RABEP1: variants seen among roughly 807,000 people sequenced by gnomAD.
The protein encoded by RABEP1 is rabaptin, RAB GTPase binding effector protein 1.
A neutral mutation model predicts 123.4 loss-of-function variants in RABEP1; 51 were observed. The observed-to-expected ratio is 0.41, with a 90% CI of 0.33 to 0.52. The LOEUF (loss-of-function observed/expected upper bound fraction) is 0.52. RABEP1 is among the 20% of genes least tolerant of loss of function. RABEP1 has a pLI of 0.16. For synonymous variants in RABEP1, 347 were observed against 355.2 expected, an observed-to-expected ratio of 0.98 and a Z score of 0.26; for missense variants, 888 against 996.3, an observed-to-expected ratio of 0.89 and a Z score of 1.46.
In RABEP1 at chr17:5,380,384, GAA is replaced by G; in HGVS notation, c.2293_2294del (p.Lys765ValfsTer5). Reference sequence around the variant, plus strand: ...CACAGTTGGAGTCCACATTAAGAGAGAAGTCTCAACAGCTTGAGAGTCTTCAG... The same window carrying G: ...CACAGTTGGAGTCCACATTAAGAGAGGTCTCAACAGCTTGAGAGTCTTCAG... ...KGQLESTLRE[K>X]SQQLESLQEI... On this transcript the variant is annotated frameshift_variant, in exon 16 of 18. Transcript: ENST00000537505. LOFTEE classifies it high-confidence loss of function. 1 of 1,570,396 alleles carries G rather than the reference GAA, an allele frequency of 6.4e-7. No individual in the cohort carries two copies. Among genetic ancestry groups the G allele is most frequent in the Non-Finnish European group, 8.6e-7 (1 of 1,156,328 alleles).
In RABEP1 at chr17:5,344,382, G is replaced by A. The variant is rs962132279; in HGVS notation, c.649-2408G>A. ...GAACCCGGGAGATGGAGGCTGCAGT[G>A]AGCGTAGGTTGTGCCACTGCACTCC... On this transcript the variant is annotated intron_variant, in intron 5 of 17. Coordinates refer to ENST00000537505, the MANE Select transcript of RABEP1 (RefSeq NM_004703.6). Among the ~76,000 whole-genome samples the A allele has an allele frequency of 1.8e-4, 28 of 152,090 alleles. 1 individual carries two copies. The highest frequency in any genetic ancestry group is 1.8e-4 in the Non-Finnish European group (12 of 67,988).
chr17:5,341,049 T>C (rs970552633), intron 5 of RABEP1, among the ~76,000 whole-genome samples: 5 of 151,260 alleles, frequency 3.3e-5, no homozygotes, highest in African/African-American at 1.2e-4. Context: ...ACTATCAATA[T>C]AATGAAAAAA....
chr17:5,333,725 C>G (rs1250874853), intron 3 of RABEP1, among the ~76,000 whole-genome samples: 1 of 152,136 alleles, frequency 6.6e-6, no homozygotes, highest in South Asian at 2.1e-4. Flanking sequence ...TGTATTGGTT[C>G]CATGATGTCA....
At chr17:5,348,294 AAAG>A (rs1908244120) in intron 6 of RABEP1, among the ~76,000 whole-genome samples, 1 of 152,170 alleles carries the variant, frequency 6.6e-6, no homozygotes, top group Non-Finnish European at 1.5e-5. Context: ...AGGCTTCTTA[AAAG>A]AAGTTGTTCT....
In RABEP1 at chr17:5,300,496, A is replaced by C. The variant is rs924172388; in HGVS notation, c.35-8198A>C. ...ACCCCTACTGAGGTAGTATTGGTCA[A>C]GTTTCTCTCTCTTTCTTGGGGTGCA... On this transcript the variant is annotated intron_variant, in intron 1 of 17. Coordinates refer to ENST00000537505, the MANE Select transcript of RABEP1 (RefSeq NM_004703.6). 2.6e-5 allele frequency among the ~76,000 whole-genome samples: 4 copies of C among 152,156 alleles called. No homozygotes were observed. In the South Asian group the frequency reaches 8.3e-4, roughly 32 times the overall value.
chr17:5,382,677 G>A (rs1056049194), intron 17 of RABEP1, among the ~76,000 whole-genome samples: 4 of 152,034 alleles, frequency 2.6e-5, no homozygotes, highest in Non-Finnish European at 5.9e-5. Flanking sequence ...GCTTGAACCC[G>A]GGAAGTGGAG....
intron 10 of RABEP1, among the ~76,000 whole-genome samples, chr17:5,364,829 GGA>G (rs1387054088): frequency 6.6e-6 from 1 of 152,078 alleles, no homozygotes; most frequent in African/African-American, 2.4e-5. Flanking sequence ...ATTGTAGACT[GGA>G]GACAGAGGAT....
chr17:5,340,142 C>T (rs889493248), intron 5 of RABEP1, among the ~76,000 whole-genome samples: 1 of 152,174 alleles, frequency 6.6e-6, no homozygotes, highest in African/African-American at 2.4e-5. Context: ...ACATTTTGAA[C>T]TATCAGGTTA....
chr17:5,375,470 T>C (rs1289675173), intron 13 of RABEP1, among the ~76,000 whole-genome samples: 3 of 152,082 alleles, frequency 2.0e-5, no homozygotes, highest in Non-Finnish European at 2.9e-5. Context: ...GGCAGGCAGA[T>C]TGCTTGAGGT....
chr17:5,319,207 G>A (rs1254635961), intron 2 of RABEP1, among the ~76,000 whole-genome samples: 3 of 151,172 alleles, frequency 2.0e-5, no homozygotes, highest in Admixed American at 6.6e-5. Flanking sequence ...GTGCACACCT[G>A]TAATCCCAGC....
At chr17:5,345,811 A>G (rs1396596798) in intron 5 of RABEP1, among the ~76,000 whole-genome samples, 1 of 152,184 alleles carries the variant, frequency 6.6e-6, no homozygotes, top group Non-Finnish European at 1.5e-5. Context: ...AGAAATAGGA[A>G]GATAAAAGGC....
chr17:5,365,086 T>G, intron 10 of RABEP1, 36 bp from the exon 11 acceptor site: 1 of 1,360,326 alleles, frequency 7.4e-7, no homozygotes, highest in Non-Finnish European at 1.0e-6. Flanking sequence ...TATAAAAGGA[T>G]TCTGGTTTTT....
chr17:5,369,884 G>A (rs959344072), intron 12 of RABEP1, among the ~76,000 whole-genome samples: 1 of 152,092 alleles, frequency 6.6e-6, no homozygotes, highest in African/African-American at 2.4e-5. Context: ...ATTTTTAGTA[G>A]AGACGGGGTT....
At chr17:5,363,753 C>T (rs982623492) in intron 10 of RABEP1, among the ~76,000 whole-genome samples, 1 of 152,170 alleles carries the variant, frequency 6.6e-6, no homozygotes, top group East Asian at 1.9e-4. Flanking sequence ...GCATATTACT[C>T]ATTTCTTGTC....
rs891431980 is a variant in RABEP1, at chr17:5,365,228, C to T, written c.1775C>T (p.Ser592Leu). The T allele has an allele frequency of 7.5e-6, 12 of 1,605,510 alleles. No homozygotes were observed. Among genetic ancestry groups the T allele is most frequent in the African/African-American group, 1.3e-5 (1 of 74,362 alleles). Residue 592 changes from serine to leucine, a missense_variant, in exon 11 of 18, where the codon TCG becomes TTG. Transcript: ENST00000537505. ...EDFIKQSSED[S>L]SHQISALVLR... is the part of the protein sequence containing the mutation. ...TTCATAAAGCAAAGCAGCGAAGATT[C>T]GAGTCACCAGGTAAGGGAGGGTTTA... is the stretch of plus-strand genomic sequence containing the variant.
At chr17:5,382,733 C>T (rs563875575) in intron 17 of RABEP1, among the ~76,000 whole-genome samples, 7 of 151,930 alleles carry the variant, frequency 4.6e-5, no homozygotes, top group African/African-American at 7.2e-5. Flanking sequence ...GCCTGGGTGA[C>T]GGAGCAATAC....
intron 3 of RABEP1, among the ~76,000 whole-genome samples, chr17:5,334,768 A>G (rs894710350): frequency 6.6e-6 from 1 of 152,200 alleles, no homozygotes; most frequent in African/African-American, 2.4e-5. Flanking sequence ...TTCCAGAAAT[A>G]TATCCCTTTT....
intron 3 of RABEP1, among the ~76,000 whole-genome samples, chr17:5,334,143 C>T (rs1279344698): frequency 4.7e-5 from 7 of 149,666 alleles, no homozygotes; most frequent in African/African-American, 7.4e-5. Context: ...AGGCAATTTT[C>T]GTGCCTCTGC....
Position 5,335,067 on chromosome 17 carries a change from T to C in RABEP1, c.368-117T>C, listed in dbSNP as rs1906932613. 5.0e-6 allele frequency: 4 copies of C among 801,490 alleles called. No homozygotes were observed. The East Asian group carries it at 1.1e-4, about 22-fold the overall frequency. 49.6% of individuals were successfully genotyped at this position (801,490 alleles called of 1,614,324 possible). On this transcript the variant is annotated intron_variant, in intron 3 of 17. Transcript: ENST00000537505. Reference sequence around the variant, plus strand: ...CTAGTTTGTCTTGTTTTTTAGTGAATTAAACATTTTCCAGAAATTAGACGT... The same window carrying C: ...CTAGTTTGTCTTGTTTTTTAGTGAACTAAACATTTTCCAGAAATTAGACGT...
Sources: allele counts gnomAD v4.1 joint callset (sites outside exome capture counted in the v4.1 genomes callset), GRCh38; gene constraint gnomAD v4.1.1; transcripts MANE v1.5; gene names NCBI Gene and HGNC (gene_info 2026-07-23, HGNC 2026-07-21).